The following APOO variants were observed in gnomAD, a reference collection of about 807,000 sequenced individuals.
APOO encodes MICOS complex subunit MIC26.
A neutral mutation model predicts 23.1 loss-of-function variants in APOO; 11 were observed. The observed-to-expected ratio is 0.48, with a 90% CI of 0.30 to 0.79. The LOEUF (loss-of-function observed/expected upper bound fraction) is 0.79. Among genes scored for constraint, APOO ranks in the 30% least tolerant of loss-of-function variants. APOO has a pLI of 0.07. For missense variants in APOO, 160 were observed against 142.7 expected, an observed-to-expected ratio of 1.12 and a Z score of -0.62; for synonymous variants, 59 against 54.8, an observed-to-expected ratio of 1.08 and a Z score of -0.34.
intron 5 of APOO, among the ~76,000 whole-genome samples, chrX:23,861,313 C>A (rs1008818829): frequency 5.5e-5 from 6 of 109,548 alleles, no homozygotes; most frequent in Non-Finnish European, 1.1e-4. Context: ...TGTGACACCT[C>A]CCCCACCTCT....
intron 4 of APOO, among the ~76,000 whole-genome samples, chrX:23,868,901 CTT>C (rs1925466566): frequency 9.3e-6 from 1 of 107,961 alleles, no homozygotes; most frequent in Admixed American, 1.0e-4. Flanking sequence ...GTCCAATTTT[CTT>C]TTCTTTCTTT....
intron 3 of APOO, among the ~76,000 whole-genome samples, chrX:23,875,422 AT>A (rs111950064): frequency 0.12 from 12,104 of 97,619 alleles, 900 homozygotes; most frequent in East Asian, 0.47. Flanking sequence ...TTATTAATTA[AT>A]TTTTTTTTTT....
At chrX:23,844,424 G>C (rs1924139524) in intron 7 of APOO, among the ~76,000 whole-genome samples, 1 of 111,096 alleles carries the variant, frequency 9.0e-6, no homozygotes, top group South Asian at 3.9e-4. Flanking sequence ...CTTAAAATAG[G>C]GAGATGATCT....
At chrX:23,883,547 T>C (rs1926240006) in intron 1 of APOO, 1 of 111,422 alleles carries the variant, frequency 9.0e-6, no homozygotes, top group Middle Eastern at 4.6e-3. Context: ...ACTTCCACCA[T>C]TCAATAAAAC....
chrX:23,883,281 A>G (rs1453332346), intron 1 of APOO: 1 of 110,740 alleles, frequency 9.0e-6, no homozygotes, highest in African/African-American at 3.3e-5. Context: ...TCTTGTGCCT[A>G]TAAAAACCCC....
chrX:23,868,666 A>G lies in APOO; in HGVS notation c.315T>C (p.Asn105=), dbSNP rs746952335. 2 of 1,208,856 alleles carry G rather than the reference A, an allele frequency of 1.7e-6. No individual in the cohort carries two copies. Among genetic ancestry groups the G allele is most frequent in the South Asian group, 1.8e-5 (1 of 56,815 alleles). ...WGLDSYDYLQ[N]APPGFFPRLG... is the part of the protein sequence containing the mutation. Reference sequence around the variant, plus strand: ...GTCTCGGAAAAAATCCAGGAGGTGCATTTTGGAGATAGTCATAGCTGTCTA... The same window carrying G: ...GTCTCGGAAAAAATCCAGGAGGTGCGTTTTGGAGATAGTCATAGCTGTCTA... The change falls in exon 5 of 9, where the codon AAT becomes AAC. Residue 105 remains asparagine, a synonymous_variant. Coordinates refer to ENST00000379226, the MANE Select transcript of APOO (RefSeq NM_024122.5).
At chrX:23,873,474 G>A (rs1029563593) in intron 4 of APOO, among the ~76,000 whole-genome samples, 1 of 110,415 alleles carries the variant, frequency 9.1e-6, no homozygotes, top group Admixed American at 9.7e-5. Context: ...GGATGTGGTG[G>A]CACACGCTTG....
rs756133064 is a variant in APOO, at chrX:23,836,561, C to G, written c.*30-2949G>C. Among the ~76,000 whole-genome samples, 13 of 111,453 alleles carry G rather than the reference C, an allele frequency of 1.2e-4. No individual in the cohort carries two copies. The South Asian group carries it at 4.8e-3, about 41-fold the overall frequency. ...AACTCCTAACCTCATGATCCGCCCA[C>G]CTCAGCTTCCCAAAGTGCTGGGACC... On this transcript the variant is annotated intron_variant, in intron 8 of 8. Transcript: ENST00000379226.
At position 23,849,892 on chromosome X, in the gene APOO, G is replaced by GA. The variant is rs532504460; in HGVS notation, c.561+6409dup. 3.6e-3 allele frequency among the ~76,000 whole-genome samples: 283 copies of GA among 78,918 alleles called. 1 individual carries two copies. Among genetic ancestry groups the GA allele is most frequent in the South Asian group, 9.0e-3 (15 of 1,671 alleles). 68.5% of individuals were successfully genotyped at this position (78,918 alleles called of 115,157 possible). On this transcript the variant is annotated intron_variant, in intron 7 of 8. Transcript: ENST00000379226. ...GGGCGACAGAGTAACACTCCATCTC[G>GA]AAAAAAAAAAAAAAAATCAAAAGTT...
chrX:23,878,528 A>G (rs946357046), intron 3 of APOO, among the ~76,000 whole-genome samples: 3 of 112,166 alleles, frequency 2.7e-5, no homozygotes, highest in African/African-American at 9.7e-5. Flanking sequence ...GGCACATGAG[A>G]TGTGTTGACA....
At position 23,874,473 on chromosome X, in the gene APOO, G is replaced by A. The variant is rs1925755505; in HGVS notation, c.238-16C>T. ...AGTACGTTTCCTAAAAAGGTAAAAA[G>A]AAACTGAATGAAACTATTCACAGGA... On this transcript the variant is annotated splice_polypyrimidine_tract_variant and intron_variant, in intron 3 of 8. Transcript: ENST00000379226. 1 of 1,146,047 alleles carries A rather than the reference G, an allele frequency of 8.7e-7. No individual in the cohort carries two copies. The highest frequency in any genetic ancestry group is 2.2e-5 in the Admixed American group (1 of 45,338). The allele number at this position is 1,146,047 out of a possible 1,213,427, so 94.4% of individuals were successfully genotyped here. A position where few individuals can be genotyped will look rare whatever the true frequency, so the allele number is the denominator to read the frequency against.
chrX:23,865,311 A>G (rs1925285741), intron 5 of APOO, among the ~76,000 whole-genome samples: 1 of 111,181 alleles, frequency 9.0e-6, no homozygotes, highest in African/African-American at 3.3e-5. Flanking sequence ...TACGCTCAAG[A>G]AACCCCACCA....
At chrX:23,872,921 T>C (rs1306192515) in intron 4 of APOO, among the ~76,000 whole-genome samples, 3 of 108,961 alleles carry the variant, frequency 2.8e-5, no homozygotes, top group Non-Finnish European at 5.7e-5. Context: ...TGTGGTGGCG[T>C]GTGCCTGCAG....
chrX:23,834,632 C>T (rs1220127229), intron 8 of APOO, among the ~76,000 whole-genome samples: 1 of 110,838 alleles, frequency 9.0e-6, no homozygotes, highest in Non-Finnish European at 1.9e-5. Flanking sequence ...TAATTTTCCT[C>T]GCATCACCCC....
At chrX:23,855,046 T>C (rs188421768) in intron 7 of APOO, among the ~76,000 whole-genome samples, 111 of 106,527 alleles carry the variant, frequency 1.0e-3, no homozygotes, top group Non-Finnish European at 1.9e-3. Context: ...TTTTCTTTTT[T>C]TTTTTTTTTG....
At chrX:23,902,443 T>C (rs1380064320) in intron 1 of APOO, among the ~76,000 whole-genome samples, 1 of 111,320 alleles carries the variant, frequency 9.0e-6, no homozygotes, top group Non-Finnish European at 1.9e-5. Flanking sequence ...TTTTCACTTG[T>C]ACCCACCAGG....
chrX:23,868,618 G>A lies in APOO; in HGVS notation c.363C>T (p.Gly121=), dbSNP rs764560865. The change falls in exon 5 of 9, where the codon GGC becomes GGT. Residue 121 remains glycine, a synonymous_variant. Coordinates refer to ENST00000379226, the MANE Select transcript of APOO (RefSeq NM_024122.5). ...FPRLGVIGFA[G]LIGLLLARGS... Reference sequence around the variant, plus strand: ...CTCTAGCCAAAAGGAGTCCAATAAGGCCAGCAAAACCAATAACACCAAGTC... The same window carrying A: ...CTCTAGCCAAAAGGAGTCCAATAAGACCAGCAAAACCAATAACACCAAGTC... 38 of 1,205,577 alleles carry A rather than the reference G, an allele frequency of 3.2e-5. No individual in the cohort carries two copies. Among genetic ancestry groups the A allele is most frequent in the Middle Eastern group, 2.9e-4 (1 of 3,457 alleles).
chrX:23,838,856 G>A (rs966284879), intron 8 of APOO, among the ~76,000 whole-genome samples: 3 of 112,283 alleles, frequency 2.7e-5, no homozygotes, highest in African/African-American at 9.7e-5. Context: ...ATTTCAGCAA[G>A]CTGAACTCTG....
intron 4 of APOO, among the ~76,000 whole-genome samples, chrX:23,871,177 C>G (rs1442919860): frequency 2.0e-5 from 2 of 100,207 alleles, no homozygotes; most frequent in African/African-American, 7.4e-5. Flanking sequence ...ATGGTGAAAC[C>G]CCAACTCTAC....
Sources: allele counts gnomAD v4.1 joint callset (sites outside exome capture counted in the v4.1 genomes callset), GRCh38; gene constraint gnomAD v4.1.1; transcripts MANE v1.5; gene names NCBI Gene and HGNC (gene_info 2026-07-23, HGNC 2026-07-21).